C12orf42: variants seen among roughly 807,000 people sequenced by gnomAD.
C12orf42 encodes uncharacterized protein C12orf42.
In C12orf42, 25 loss-of-function variants were observed where a neutral mutation model predicts 21.6. That is an observed-to-expected ratio of 1.16 (90% CI 0.84 to 1.62). C12orf42 has a LOEUF of 1.62. Among genes scored for constraint, C12orf42 ranks in the 40% most tolerant of loss-of-function variants. The pLI is 0.00. For missense variants in C12orf42, 483 were observed against 459.3 expected (o/e 1.05, Z -0.47); for synonymous variants, 174 against 175.0 (o/e 0.99, Z 0.05).
At chr12:103,198,700 C>T in the C12orf42 span, among the ~76,000 whole-genome samples, 1 of 152,222 alleles carries the variant, frequency 6.6e-6, no homozygotes, top group South Asian at 2.1e-4. Context: ...GTGTGCTACT[C>T]CACACCTGCT....
intron 2 of C12orf42, among the ~76,000 whole-genome samples, chr12:103,403,589 G>C (rs772243326): frequency 6.6e-6 from 1 of 152,170 alleles, no homozygotes; most frequent in South Asian, 2.1e-4. Flanking sequence ...ATCGTCCTCT[G>C]TTGGATTATC....
the C12orf42 span, chr12:103,548,792 G>T: frequency 6.6e-6 from 1 of 152,166 alleles, no homozygotes; most frequent in South Asian, 2.1e-4. Context: ...ATTTTGATGG[G>T]GATGGCTTAT....
At chr12:103,449,267 A>G (rs749409308) in intron 2 of C12orf42, among the ~76,000 whole-genome samples, 2 of 151,992 alleles carry the variant, frequency 1.3e-5, no homozygotes, top group Non-Finnish European at 2.9e-5. Context: ...TATGTTCTCA[A>G]TCATAATTGG....
At chr12:103,353,947 G>A (rs2043312391) in intron 4 of C12orf42, among the ~76,000 whole-genome samples, 1 of 152,136 alleles carries the variant, frequency 6.6e-6, no homozygotes, top group Admixed American at 6.6e-5. Flanking sequence ...AATCTTCAGG[G>A]AATCAGAGAG....
chr12:103,507,086 A>C, the C12orf42 span, among the ~76,000 whole-genome samples: 1 of 11,672 alleles, frequency 8.6e-5, no homozygotes, highest in Non-Finnish European at 1.1e-4. Context: ...ATTTATATAT[A>C]ATATATATTA....
intron 2 of C12orf42, among the ~76,000 whole-genome samples, chr12:103,421,068 G>T (rs891767373): frequency 6.6e-6 from 1 of 152,106 alleles, no homozygotes; most frequent in Non-Finnish European, 1.5e-5. Context: ...AATATGAGAA[G>T]ATTGTGTGGT....
chr12:103,275,312 T>C (rs1174534476), intron 5 of C12orf42, among the ~76,000 whole-genome samples: 1 of 152,152 alleles, frequency 6.6e-6, no homozygotes, highest in African/African-American at 2.4e-5. Flanking sequence ...AAGAGTATCA[T>C]GAACAGCCAT....
chr12:103,338,256 C>T (rs533339651), intron 4 of C12orf42, among the ~76,000 whole-genome samples: 9 of 152,322 alleles, frequency 5.9e-5, no homozygotes, highest in African/African-American at 1.4e-4. Flanking sequence ...CTCTTTTGTG[C>T]ACCACCTCTC....
At chr12:103,204,050 C>T in the C12orf42 span, among the ~76,000 whole-genome samples, 1 of 152,188 alleles carries the variant, frequency 6.6e-6, no homozygotes, top group South Asian at 2.1e-4. Context: ...ACAAGTCAAA[C>T]TCCCACTATG....
the C12orf42 span, among the ~76,000 whole-genome samples, chr12:103,191,715 C>G: frequency 5.5e-5 from 8 of 144,824 alleles, no homozygotes; most frequent in Non-Finnish European, 1.0e-4. Flanking sequence ...TGTACCCCAG[C>G]TTGTGCAACA....
the C12orf42 span, among the ~76,000 whole-genome samples, chr12:103,209,037 C>T: frequency 1.3e-5 from 2 of 152,134 alleles, no homozygotes; most frequent in African/African-American, 4.8e-5. Context: ...CAGTGCTTCT[C>T]CTCAAGTTTG....
the C12orf42 span, among the ~76,000 whole-genome samples, chr12:103,231,101 G>T: frequency 6.6e-6 from 1 of 152,042 alleles, no homozygotes; most frequent in Non-Finnish European, 1.5e-5. Context: ...TTTAAAAATT[G>T]ATTCTTAATT....
the C12orf42 span, among the ~76,000 whole-genome samples, chr12:103,154,906 T>G: frequency 1.3e-5 from 2 of 152,310 alleles, no homozygotes; most frequent in South Asian, 4.1e-4. Flanking sequence ...TGGCTCTACT[T>G]TACATTTCAT....
chr12:103,263,009 G>A (rs1356905915), intron 10 of C12orf42, among the ~76,000 whole-genome samples: 5 of 152,098 alleles, frequency 3.3e-5, no homozygotes, highest in East Asian at 1.9e-4. Context: ...GTAGGGATAC[G>A]GATGAAGCTG....
chr12:103,403,378 A>G (rs1437190106), intron 2 of C12orf42, among the ~76,000 whole-genome samples: 5 of 150,486 alleles, frequency 3.3e-5, no homozygotes, highest in Admixed American at 1.3e-4. Context: ...TCCGTCTCAA[A>G]AAAAAAAAAA....
At chr12:103,385,966 C>T (rs1028486671) in intron 3 of C12orf42, among the ~76,000 whole-genome samples, 1 of 152,160 alleles carries the variant, frequency 6.6e-6, no homozygotes, top group Non-Finnish European at 1.5e-5. Flanking sequence ...TAAAAAGAGA[C>T]ACAAATATAA....
chr12:103,054,795 A>T, the C12orf42 span, among the ~76,000 whole-genome samples: 1 of 151,826 alleles, frequency 6.6e-6, no homozygotes, highest in Non-Finnish European at 1.5e-5. Context: ...ATAGCATCGG[A>T]TTTTATCAAA....
At chr12:103,108,368 C>T in the C12orf42 span, among the ~76,000 whole-genome samples, 1 of 151,984 alleles carries the variant, frequency 6.6e-6, no homozygotes, top group South Asian at 2.1e-4. Context: ...AGAAAGAAAA[C>T]TTAAAGGCCT....
chr12:103,476,449 T>C (rs1954057935), intron 2 of C12orf42, among the ~76,000 whole-genome samples: 1 of 152,164 alleles, frequency 6.6e-6, no homozygotes, highest in South Asian at 2.1e-4. Flanking sequence ...GAGGAAGAAC[T>C]CTGGCTTGAT....
Sources: allele counts gnomAD v4.1 joint callset (sites outside exome capture counted in the v4.1 genomes callset), GRCh38; gene constraint gnomAD v4.1.1; transcripts MANE v1.5; gene names NCBI Gene and HGNC (gene_info 2026-07-23, HGNC 2026-07-21).